The following RBP2 variants were observed in gnomAD, a reference collection of about 807,000 sequenced individuals.
The protein encoded by RBP2 is retinol-binding protein 2.
RBP2 carries 17 observed loss-of-function variants against 17.0 expected under a neutral mutation model. That is an observed-to-expected ratio of 1.00 (90% CI 0.68 to 1.50). The LOEUF is 1.50. RBP2 is among the 40% of genes most tolerant of loss of function. The probability of loss-of-function intolerance (pLI) is 0.00; values close to 1 mark genes in which losing one functional copy is unlikely to be tolerated. For missense variants in RBP2, 158 were observed against 168.2 expected, an observed-to-expected ratio of 0.94 and a Z score of 0.33; for synonymous variants, 48 against 57.1, an observed-to-expected ratio of 0.84 and a Z score of 0.72.
intron 1 of RBP2, among the ~76,000 whole-genome samples, chr3:139,463,787 A>G (rs775156439): frequency 8.5e-5 from 13 of 152,186 alleles, no homozygotes; most frequent in Non-Finnish European, 1.2e-4. Flanking sequence ...AATTCTCCAA[A>G]TATCTTTAGA....
intron 3 of RBP2, among the ~76,000 whole-genome samples, chr3:139,454,075 T>A (rs1254860514): frequency 6.6e-6 from 1 of 152,196 alleles, no homozygotes; most frequent in African/African-American, 2.4e-5. Flanking sequence ...GAATGAGCCA[T>A]TCATTTACAA....
chr3:139,453,019 A>G lies in RBP2; in HGVS notation c.*97T>C. 1.4e-6 allele frequency: 2 copies of G among 1,417,588 alleles called. No individual in the cohort carries two copies. The highest frequency in any genetic ancestry group is 2.3e-5 in the South Asian group (2 of 86,524). 87.8% of individuals were successfully genotyped at this position (1,417,588 alleles called of 1,614,324 possible). On this transcript the variant is annotated 3_prime_UTR_variant, in exon 4 of 4. Transcript: ENST00000232217. ...CCAGATGCCTTAATGGGGCTCTGTCAAGAGTGGGAAGGTCCCCACAGCTGT... is the reference window on the plus strand; with the variant it reads ...CCAGATGCCTTAATGGGGCTCTGTCGAGAGTGGGAAGGTCCCCACAGCTGT...
intron 2 of RBP2, among the ~76,000 whole-genome samples, chr3:139,456,317 C>A (rs548791001): frequency 6.6e-6 from 1 of 152,186 alleles, no homozygotes; most frequent in Non-Finnish European, 1.5e-5. Flanking sequence ...AATCTGTTTT[C>A]TACAGATTGT....
intron 1 of RBP2, among the ~76,000 whole-genome samples, chr3:139,472,706 T>C (rs929378995): frequency 3.9e-5 from 6 of 152,216 alleles, no homozygotes; most frequent in Non-Finnish European, 5.9e-5. Flanking sequence ...GCAGGAACCA[T>C]TGGGGTGAAC....
chr3:139,465,160 A>G (rs1182466674), intron 1 of RBP2, among the ~76,000 whole-genome samples: 1 of 152,200 alleles, frequency 6.6e-6, no homozygotes, highest in Non-Finnish European at 1.5e-5. Flanking sequence ...CTGAGCTTGG[A>G]TGATCAAGAT....
chr3:139,469,602 T>A (rs919987314), intron 1 of RBP2, among the ~76,000 whole-genome samples: 1 of 152,188 alleles, frequency 6.6e-6, no homozygotes, highest in East Asian at 1.9e-4. Flanking sequence ...CATTGACTTG[T>A]GAGCACCATC....
intron 3 of RBP2, among the ~76,000 whole-genome samples, chr3:139,454,400 C>T (rs1943360026): frequency 6.6e-6 from 1 of 152,184 alleles, no homozygotes; most frequent in Non-Finnish European, 1.5e-5. Flanking sequence ...TCCCACCCTC[C>T]TCCAGGGCAT....
intron 2 of RBP2, among the ~76,000 whole-genome samples, chr3:139,460,636 A>G (rs914359053): frequency 6.6e-6 from 1 of 152,170 alleles, no homozygotes; most frequent in Admixed American, 6.5e-5. Flanking sequence ...CTGGAAGGAC[A>G]GTGTGAGAGT....
Position 139,474,244 on chromosome 3 carries a change from T to C in RBP2, c.73+2143A>G, listed in dbSNP as rs116027185. The stretch of plus-strand genomic sequence containing the variant: ...CCCTTACTCACATTAAAGGTGTAAG[T>C]TGATGTGAAAAGAGTCCAGAGGAAG... On this transcript the variant is annotated intron_variant, in intron 1 of 3. Transcript: ENST00000232217. 4.5e-3 allele frequency among the ~76,000 whole-genome samples: 683 copies of C among 152,256 alleles called. 7 individuals carry two copies. Among genetic ancestry groups the C allele is most frequent in the African/African-American group, 0.016 (656 of 41,550 alleles).
intron 1 of RBP2, 70 bp downstream of exon 1, chr3:139,476,317 A>G: frequency 7.6e-7 from 1 of 1,311,478 alleles, no homozygotes; most frequent in Non-Finnish European, 1.1e-6. Context: ...CCATAGCAGC[A>G]CTGTCTGGAG....
intron 1 of RBP2, among the ~76,000 whole-genome samples, chr3:139,473,584 A>G (rs1362376170): frequency 6.6e-6 from 1 of 152,242 alleles, no homozygotes; most frequent in Non-Finnish European, 1.5e-5. Flanking sequence ...TCTGCTCAAA[A>G]GGGTAAGGAA....
intron 1 of RBP2, among the ~76,000 whole-genome samples, chr3:139,473,322 G>C (rs1285192957): frequency 6.6e-6 from 1 of 152,196 alleles, no homozygotes; most frequent in Admixed American, 6.5e-5. Flanking sequence ...GAGTCATGAT[G>C]GGAGGCCAGT....
At chr3:139,476,301 T>TG in intron 1 of RBP2, 86 bp downstream of exon 1, 2 of 1,125,088 alleles carry the variant, frequency 1.8e-6, no homozygotes, top group Non-Finnish European at 2.7e-6. Flanking sequence ...ACAGGTCTGT[T>TG]GAACTCCATA....
At chr3:139,455,547 A>T (rs1453762038) in intron 2 of RBP2, among the ~76,000 whole-genome samples, 1 of 152,202 alleles carries the variant, frequency 6.6e-6, no homozygotes, top group Non-Finnish European at 1.5e-5. Flanking sequence ...ATCTCTTTGG[A>T]GGGCAATTTT....
At chr3:139,470,165 G>A (rs766432593) in intron 1 of RBP2, among the ~76,000 whole-genome samples, 57 of 151,826 alleles carry the variant, frequency 3.8e-4, no homozygotes, top group Non-Finnish European at 6.2e-4. Context: ...ATGCTCCCCC[G>A]CCACCCCAGC....
At chr3:139,453,575 G>C (rs921129207) in intron 3 of RBP2, among the ~76,000 whole-genome samples, 2 of 152,244 alleles carry the variant, frequency 1.3e-5, no homozygotes, top group Admixed American at 1.3e-4. Flanking sequence ...GGGCTTTCTG[G>C]CCTCTGGTGA....
At chr3:139,471,621 AG>A (rs1463898740) in intron 1 of RBP2, among the ~76,000 whole-genome samples, 3 of 152,222 alleles carry the variant, frequency 2.0e-5, no homozygotes, top group Non-Finnish European at 2.9e-5. Context: ...TTCCTAAAAG[AG>A]GTATAAATTT....
At chr3:139,465,748 C>T (rs1398390261) in intron 1 of RBP2, among the ~76,000 whole-genome samples, 2 of 152,142 alleles carry the variant, frequency 1.3e-5, no homozygotes, top group Admixed American at 6.5e-5. Flanking sequence ...TACTGTCCCC[C>T]ACCAAATGGC....
At chr3:139,473,649 G>T (rs1157532014) in intron 1 of RBP2, among the ~76,000 whole-genome samples, 3 of 152,086 alleles carry the variant, frequency 2.0e-5, no homozygotes, top group Non-Finnish European at 1.5e-5. Context: ...TATGTCCTGG[G>T]CATGGAGGAA....
Sources: gnomAD v4.1 joint callset for allele counts (sites outside exome capture counted in the v4.1 genomes callset) on GRCh38, gnomAD v4.1.1 for gene constraint, MANE v1.5 for transcripts, NCBI Gene and HGNC (gene_info 2026-07-23, HGNC 2026-07-21) for gene names.